The following SUMF1 variants were observed in gnomAD, a reference collection of about 807,000 sequenced individuals.
The protein encoded by SUMF1 is formylglycine-generating enzyme.
A neutral mutation model predicts 47.6 loss-of-function variants in SUMF1; 48 were observed. The ratio of observed to expected loss-of-function variants is 1.01; its 90% CI spans 0.80 to 1.28. The LOEUF (loss-of-function observed/expected upper bound fraction) is 1.28, where lower values mean the gene tolerates loss of function less well. Ranked by LOEUF, SUMF1 falls within the 50% of genes most tolerant of loss-of-function variation. The pLI is 0.00. For missense variants in SUMF1, 571 were observed against 485.4 expected (o/e 1.18, Z -1.66); for synonymous variants, 230 against 192.1 (o/e 1.20, Z -1.63).
chr3:4,125,055 T>G (rs897751316), intron 8 of SUMF1, among the ~76,000 whole-genome samples: 12 of 152,122 alleles, frequency 7.9e-5, no homozygotes, highest in African/African-American at 2.9e-4. Context: ...TAGAAGAATA[T>G]CTTAGTAAAG....
intron 8 of SUMF1, among the ~76,000 whole-genome samples, chr3:4,238,279 T>A (rs949691290): frequency 6.6e-6 from 1 of 152,202 alleles, no homozygotes; most frequent in African/African-American, 2.4e-5. Context: ...TATATTCCTT[T>A]GGGTATATAC....
chr3:4,254,005 TGACACCACA>T (rs1696880047), intron 8 of SUMF1, among the ~76,000 whole-genome samples: 1 of 150,812 alleles, frequency 6.6e-6, no homozygotes, highest in Admixed American at 6.6e-5. Flanking sequence ...AAGGGCACAC[TGACACCACA>T]CACAGCAGGG....
chr3:4,335,737 G>A (rs1393800242), intron 8 of SUMF1, among the ~76,000 whole-genome samples: 2 of 151,994 alleles, frequency 1.3e-5, no homozygotes, highest in Non-Finnish European at 2.9e-5. Flanking sequence ...GAGGTCAGGA[G>A]TACAAGACCA....
intron 9 of SUMF1, among the ~76,000 whole-genome samples, chr3:4,059,885 G>T (rs566861824): frequency 7.9e-5 from 12 of 151,600 alleles, no homozygotes; most frequent in African/African-American, 2.9e-4. Context: ...TGGATAAGGA[G>T]AATAAAAATA....
At chr3:4,135,166 C>CA (rs1461672389) in intron 8 of SUMF1, among the ~76,000 whole-genome samples, 18 of 151,828 alleles carry the variant, frequency 1.2e-4, no homozygotes, top group Admixed American at 1.2e-3. Context: ...AGAGACACAA[C>CA]AAAAAAAGAG....
intron 3 of SUMF1, among the ~76,000 whole-genome samples, chr3:4,433,299 C>A (rs550286819): frequency 6.6e-6 from 1 of 152,288 alleles, no homozygotes; most frequent in South Asian, 2.1e-4. Flanking sequence ...CAAATCTGCA[C>A]CTCTGGGACC....
chr3:4,235,436 A>C (rs1002475352), intron 8 of SUMF1, among the ~76,000 whole-genome samples: 1 of 152,130 alleles, frequency 6.6e-6, no homozygotes, highest in Non-Finnish European at 1.5e-5. Flanking sequence ...AGCATATCAA[A>C]GGCAAAATCA....
At chr3:4,280,449 C>T (rs1473617278) in intron 8 of SUMF1, among the ~76,000 whole-genome samples, 1 of 151,790 alleles carries the variant, frequency 6.6e-6, no homozygotes, top group Non-Finnish European at 1.5e-5. Context: ...ACTTGAAGTA[C>T]CTTGACTTAA....
intron 8 of SUMF1, chr3:4,303,249 C>T (rs964073847): frequency 2.7e-6 from 3 of 1,112,614 alleles, no homozygotes; most frequent in Non-Finnish European, 3.7e-6. Context: ...CCTTCCAGGC[C>T]ACTCCTGAGA....
chr3:4,257,056 A>C (rs1395203952), intron 8 of SUMF1, among the ~76,000 whole-genome samples: 1 of 113,944 alleles, frequency 8.8e-6, no homozygotes, highest in Admixed American at 8.8e-5. Context: ...GACAAAATTC[A>C]ACAACCCTTC....
intron 8 of SUMF1, among the ~76,000 whole-genome samples, chr3:4,195,431 A>G (rs1290087007): frequency 2.0e-5 from 3 of 152,134 alleles, no homozygotes; most frequent in Non-Finnish European, 4.4e-5. Flanking sequence ...ATGTTGGTCA[A>G]CAAGGCAAGA....
rs1238672880 is a variant in SUMF1 at position 4,350,359 on chromosome 3, TTG to T, written c.1014+25969_1014+25970del. ...TGTGTGTGTGTGTGTGTGTGTATAA[TTG>T]TGTGTGTATAATTGTGTGTGTATAA... On this transcript the variant is annotated intron_variant and NMD_transcript_variant, in intron 8 of 12. Coordinates refer to the SUMF1 transcript ENST00000448413. Among the ~76,000 whole-genome samples, 71 of 56,404 alleles carry T rather than the reference TTG, an allele frequency of 1.3e-3. 1 individual carries two copies. The highest frequency in any genetic ancestry group is 3.0e-3 in the African/African-American group (55 of 18,490). The allele number at this position is 56,404 out of a possible 152,430, so 37.0% of individuals were successfully genotyped here. A position where few individuals can be genotyped will look rare whatever the true frequency, so the allele number is the denominator to read the frequency against.
At chr3:4,372,988 C>A (rs1305514662) in intron 8 of SUMF1, among the ~76,000 whole-genome samples, 1 of 152,254 alleles carries the variant, frequency 6.6e-6, no homozygotes, top group Admixed American at 6.5e-5. Flanking sequence ...GGATCCCACT[C>A]AGTTCTGTCA....
intron 8 of SUMF1, among the ~76,000 whole-genome samples, chr3:4,343,000 A>G (rs1699302419): frequency 6.6e-6 from 1 of 152,226 alleles, no homozygotes; most frequent in Non-Finnish European, 1.5e-5. Flanking sequence ...GTGAATGGGG[A>G]CTTTAAAAGT....
chr3:4,211,999 C>T (rs1378841557), intron 8 of SUMF1, among the ~76,000 whole-genome samples: 1 of 152,184 alleles, frequency 6.6e-6, no homozygotes, highest in East Asian at 1.9e-4. Context: ...GCTGTGGGCA[C>T]AGCTTCAGCA....
chr3:4,053,562 G>C (rs1168342229), intron 9 of SUMF1, among the ~76,000 whole-genome samples: 1 of 152,110 alleles, frequency 6.6e-6, no homozygotes, highest in Non-Finnish European at 1.5e-5. Context: ...AAAAAGCTAT[G>C]AGGAATTCAC....
At chr3:4,168,288 A>T (rs1694756305) in intron 8 of SUMF1, among the ~76,000 whole-genome samples, 1 of 152,192 alleles carries the variant, frequency 6.6e-6, no homozygotes, top group Admixed American at 6.5e-5. Context: ...AAACATATGC[A>T]AAATTTCAAT....
chr3:4,281,484 A>G (rs1438207421), intron 8 of SUMF1, among the ~76,000 whole-genome samples: 1 of 152,188 alleles, frequency 6.6e-6, no homozygotes, highest in Non-Finnish European at 1.5e-5. Context: ...TTCCATTTTT[A>G]CAGGTAAAGT....
At chr3:4,461,797 C>T (rs2079821357) in intron 1 of SUMF1, among the ~76,000 whole-genome samples, 1 of 152,196 alleles carries the variant, frequency 6.6e-6, no homozygotes, top group South Asian at 2.1e-4. Context: ...TGTCAAATGT[C>T]ATTCAAGTGA....
Sources: gnomAD v4.1 joint callset for allele counts (sites outside exome capture counted in the v4.1 genomes callset) on GRCh38, gnomAD v4.1.1 for gene constraint, MANE v1.5 for transcripts, NCBI Gene and HGNC (gene_info 2026-07-23, HGNC 2026-07-21) for gene names.